The following SPOCK3 variants were observed in gnomAD, a reference collection of about 807,000 sequenced individuals.
SPOCK3 encodes testican-3.
A neutral mutation model predicts 56.6 loss-of-function variants in SPOCK3; 30 were observed. The ratio of observed to expected loss-of-function variants is 0.53; its 90% CI spans 0.40 to 0.72. SPOCK3 has a LOEUF of 0.72. Among genes scored for constraint, SPOCK3 ranks in the 30% least tolerant of loss-of-function variants. The pLI, the probability that SPOCK3 is intolerant of heterozygous loss-of-function variation, is 0.00. For synonymous variants in SPOCK3, 196 were observed against 183.3 expected (o/e 1.07, Z -0.56); for missense variants, 527 against 530.0 (o/e 0.99, Z 0.06).
At chr4:166,763,454 G>C (rs1042224364) in intron 7 of SPOCK3, among the ~76,000 whole-genome samples, 1 of 152,026 alleles carries the variant, frequency 6.6e-6, no homozygotes, top group Non-Finnish European at 1.5e-5. Context: ...ATACCAGATG[G>C]AAATCTGGAT....
At chr4:166,915,489 G>T (rs1346327445) in intron 4 of SPOCK3, among the ~76,000 whole-genome samples, 1 of 152,076 alleles carries the variant, frequency 6.6e-6, no homozygotes, top group Admixed American at 6.5e-5. Context: ...TAATACCTGT[G>T]TATGATATAT....
At chr4:167,223,073 A>G (rs924622927) in intron 2 of SPOCK3, among the ~76,000 whole-genome samples, 1,139 of 111,594 alleles carry the variant, frequency 0.01, 42 homozygotes, top group Non-Finnish European at 0.015. Flanking sequence ...ATGAATATAT[A>G]TTTTATATAT....
At chr4:167,091,936 C>A (rs1758736407) in intron 2 of SPOCK3, among the ~76,000 whole-genome samples, 1 of 152,104 alleles carries the variant, frequency 6.6e-6, no homozygotes, top group South Asian at 2.1e-4. Context: ...TAAAAAATAT[C>A]TCTGTCTTTC....
Position 166,782,056 on chromosome 4 carries a change from T to C in SPOCK3, c.709+10114A>G, listed in dbSNP as rs527525095. 1.2e-3 allele frequency among the ~76,000 whole-genome samples: 188 copies of C among 152,280 alleles called. 1 individual carries two copies. Among genetic ancestry groups the C allele is most frequent in the African/African-American group, 4.2e-3 (174 of 41,574 alleles). On this transcript the variant is annotated intron_variant, in intron 7 of 10. Coordinates refer to ENST00000357545, the MANE Select transcript of SPOCK3 (RefSeq NM_001040159.2). ...ACAAATAATGACCAAATCAGGGTAA[T>C]TGGAGTATCTGTCATCTCAAACATT...
chr4:167,229,975 T>C lies in SPOCK3; in HGVS notation c.189+4010A>G, dbSNP rs190935555. 1.3e-4 allele frequency among the ~76,000 whole-genome samples: 20 copies of C among 152,212 alleles called. No individual in the cohort carries two copies. The East Asian group carries it at 3.7e-3, about 28-fold the overall frequency. ...ATTGAAAAACAAATTTAATTTAATC[T>C]AGAACTATTTGAATTTCCATTAAAG... On this transcript the variant is annotated intron_variant, in intron 2 of 10. Transcript: ENST00000357545.
intron 6 of SPOCK3, among the ~76,000 whole-genome samples, chr4:166,842,752 G>A (rs987015334): frequency 1.3e-5 from 2 of 152,216 alleles, no homozygotes; most frequent in African/African-American, 4.8e-5. Context: ...GTCCCCACCT[G>A]ACTCAGGAGC....
At chr4:166,741,436 C>T (rs536513997) in intron 9 of SPOCK3, among the ~76,000 whole-genome samples, 1 of 151,988 alleles carries the variant, frequency 6.6e-6, no homozygotes, top group Non-Finnish European at 1.5e-5. Context: ...AAGAATAAAC[C>T]ACTCATATGT....
chr4:166,950,874 T>C, intron 4 of SPOCK3, among the ~76,000 whole-genome samples: 1 of 146,858 alleles, frequency 6.8e-6, no homozygotes, highest in Non-Finnish European at 1.5e-5. Flanking sequence ...ATAAAGATGT[T>C]CTTTGAAACC....
At chr4:166,850,514 A>T (rs966526383) in intron 6 of SPOCK3, among the ~76,000 whole-genome samples, 1 of 152,234 alleles carries the variant, frequency 6.6e-6, no homozygotes, top group South Asian at 2.1e-4. Context: ...CAGCGTGAGC[A>T]ACGCAGAAGA....
intron 3 of SPOCK3, among the ~76,000 whole-genome samples, chr4:167,029,472 A>G (rs1238895224): frequency 6.6e-6 from 1 of 151,886 alleles, no homozygotes; most frequent in Admixed American, 6.6e-5. Flanking sequence ...TTAGAAGGGG[A>G]CTAAGGGTGA....
At chr4:167,101,742 G>A (rs1580293697) in intron 2 of SPOCK3, among the ~76,000 whole-genome samples, 1 of 132,006 alleles carries the variant, frequency 7.6e-6, no homozygotes, top group African/African-American at 2.8e-5. Flanking sequence ...TTGAGACAGA[G>A]TCTTGCTCTG....
rs1004081522 is a variant in SPOCK3 at position 166,893,428 on chromosome 4, G to A, written c.475-4184C>T. Among the ~76,000 whole-genome samples the A allele has an allele frequency of 3.9e-5, 6 of 152,198 alleles. No homozygotes were observed. In the South Asian group the frequency reaches 1.2e-3, roughly 32 times the overall value. ...ATACAAATCAGCTAAAGCGAGAAAAGATACAGTTGACAATAGCCTACTTTC... is the reference window on the plus strand; with the variant it reads ...ATACAAATCAGCTAAAGCGAGAAAAAATACAGTTGACAATAGCCTACTTTC... On this transcript the variant is annotated intron_variant, in intron 5 of 10. Coordinates refer to ENST00000357545, the MANE Select transcript of SPOCK3 (RefSeq NM_001040159.2).
chr4:166,795,883 C>T (rs979671115), intron 6 of SPOCK3, among the ~76,000 whole-genome samples: 3 of 152,052 alleles, frequency 2.0e-5, no homozygotes, highest in African/African-American at 7.2e-5. Context: ...TTTATGCTCC[C>T]CCAGATTCAT....
chr4:166,999,362 A>G (rs920575952), intron 4 of SPOCK3, among the ~76,000 whole-genome samples: 3 of 152,170 alleles, frequency 2.0e-5, no homozygotes, highest in Non-Finnish European at 2.9e-5. Context: ...GTCCTCTTAC[A>G]TTATGAGAAA....
chr4:167,217,309 G>C (rs1330079658), intron 2 of SPOCK3, among the ~76,000 whole-genome samples: 1 of 151,442 alleles, frequency 6.6e-6, no homozygotes, highest in Non-Finnish European at 1.5e-5. Flanking sequence ...AAAATACCGA[G>C]GAAAAAAAGA....
intron 2 of SPOCK3, among the ~76,000 whole-genome samples, chr4:167,124,746 A>C (rs1416238209): frequency 6.6e-6 from 1 of 152,132 alleles, no homozygotes; most frequent in Non-Finnish European, 1.5e-5. Flanking sequence ...AGAAGCCCTC[A>C]ATTGTCTTCA....
chr4:166,897,996 G>C (rs917044550), intron 5 of SPOCK3, among the ~76,000 whole-genome samples: 2 of 151,870 alleles, frequency 1.3e-5, no homozygotes, highest in Non-Finnish European at 2.9e-5. Flanking sequence ...TTTGAGACCA[G>C]TTTGGGAAAC....
intron 5 of SPOCK3, among the ~76,000 whole-genome samples, chr4:166,904,567 A>G (rs1160338622): frequency 6.6e-6 from 1 of 152,070 alleles, no homozygotes; most frequent in African/African-American, 2.4e-5. Context: ...AGTTATCTTT[A>G]CATATGAATA....
intron 2 of SPOCK3, among the ~76,000 whole-genome samples, chr4:167,104,568 T>C (rs1759931504): frequency 6.6e-6 from 1 of 151,594 alleles, no homozygotes; most frequent in South Asian, 2.1e-4. Flanking sequence ...AGAATAAGAA[T>C]GAAGCACACC....
Sources: allele counts gnomAD v4.1 joint callset (sites outside exome capture counted in the v4.1 genomes callset), GRCh38; gene constraint gnomAD v4.1.1; transcripts MANE v1.5; gene names NCBI Gene and HGNC (gene_info 2026-07-23, HGNC 2026-07-21).